PBK: variants seen among roughly 807,000 people sequenced by gnomAD.
The protein encoded by PBK is PDZ binding kinase, also known as lymphokine-activated killer T-cell-originated protein kinase.
A neutral mutation model predicts 33.5 loss-of-function variants in PBK; 22 were observed. That is an observed-to-expected ratio of 0.66 (90% CI 0.47 to 0.94). The LOEUF is 0.94. Ranked by LOEUF, PBK falls within the 40% of genes least tolerant of loss-of-function variation. The pLI is 0.00. For missense variants in PBK, 376 were observed against 383.4 expected (o/e 0.98, Z 0.16); for synonymous variants, 129 against 123.8 (o/e 1.04, Z -0.28).
chr8:27,817,661 C>T (rs1805844758), intron 6 of PBK, among the ~76,000 whole-genome samples: 1 of 152,048 alleles, frequency 6.6e-6, no homozygotes, highest in East Asian at 1.9e-4. Flanking sequence ...TGCCTAATTA[C>T]TCAATTACTT....
At position 27,810,489 on chromosome 8, in the gene PBK, T is replaced by A. The variant is rs1377116648; in HGVS notation, c.785A>T (p.Asp262Val). Residue 262 changes from aspartate (D) to valine (V), a missense_variant, in exon 8 of 8, where the codon GAT (aspartate) becomes GTT (valine). Transcript: ENST00000301905. ...NDDDDEDKTF[D>V]ESDFDDEAYY... ...TGCTTCATCATCAAAATCACTTTCATCAAAAGTTTTATCTTGAAGGAGTTA... is the reference window on the plus strand; with the variant it reads ...TGCTTCATCATCAAAATCACTTTCAACAAAAGTTTTATCTTGAAGGAGTTA... 6.3e-7 allele frequency: 1 copy of A among 1,598,920 alleles called. No individual in the cohort carries two copies. The highest frequency in any genetic ancestry group is 8.5e-7 in the Non-Finnish European group (1 of 1,170,184).
At chr8:27,835,713 G>A (rs1243110630) in intron 1 of PBK, among the ~76,000 whole-genome samples, 3 of 152,066 alleles carry the variant, frequency 2.0e-5, no homozygotes, top group East Asian at 1.9e-4. Context: ...CACCATGCCC[G>A]GCTAATTTTT....
chr8:27,819,463 C>T (rs1465470169), intron 6 of PBK, among the ~76,000 whole-genome samples: 3 of 151,814 alleles, frequency 2.0e-5, no homozygotes, highest in Non-Finnish European at 2.9e-5. Context: ...TCTTTTTAGC[C>T]AAAAATTATT....
Position 27,820,706 on chromosome 8 carries a change from A to G in PBK, c.466-12T>C. The stretch of plus-strand genomic sequence containing the variant: ...TCTTGGTGCAGATACTAAAATAGTA[A>G]AAAATTTAACACATATGTGCAGAAA... On this transcript the variant is annotated splice_polypyrimidine_tract_variant and intron_variant, in intron 5 of 7. Coordinates refer to ENST00000301905, the MANE Select transcript of PBK (RefSeq NM_018492.4). 15 of 1,484,320 alleles carry G rather than the reference A, an allele frequency of 1.0e-5. No homozygotes were observed. Among genetic ancestry groups the G allele is most frequent in the Non-Finnish European group, 1.4e-5 (15 of 1,091,110 alleles). 91.9% of individuals were successfully genotyped at this position (1,484,320 alleles called of 1,614,324 possible).
rs1805644923 is a variant in PBK, at chr8:27,810,247, G to A, written c.*58C>T. On this transcript the variant is annotated 3_prime_UTR_variant, in exon 8 of 8. Coordinates refer to ENST00000301905, the MANE Select transcript of PBK (RefSeq NM_018492.4). ...TCTAATAACTACTGATAGTAACTAT[G>A]TAAATATTTTGGAATAAACAGTTAT... is the stretch of plus-strand genomic sequence containing the variant. 1 of 1,160,268 alleles carries A rather than the reference G, an allele frequency of 8.6e-7. No homozygotes were observed. The highest frequency in any genetic ancestry group is 1.3e-6 in the Non-Finnish European group (1 of 778,394). 71.9% of individuals were successfully genotyped at this position (1,160,268 alleles called of 1,614,324 possible).
chr8:27,829,306 T>C (rs1806084678), intron 2 of PBK, among the ~76,000 whole-genome samples: 1 of 152,060 alleles, frequency 6.6e-6, no homozygotes, highest in Non-Finnish European at 1.5e-5. Context: ...GGTAACCCTG[T>C]AACACATAGT....
intron 1 of PBK, 108 bp downstream of exon 1, chr8:27,837,544 T>C (rs1446173674): frequency 1.3e-5 from 2 of 151,986 alleles, no homozygotes; most frequent in Non-Finnish European, 2.9e-5. Flanking sequence ...GCTGCCAAAA[T>C]CCTTCTTTGG....
At chr8:27,824,146 T>A (rs1024704907) in intron 3 of PBK, among the ~76,000 whole-genome samples, 1 of 152,134 alleles carries the variant, frequency 6.6e-6, no homozygotes, top group African/African-American at 2.4e-5. Context: ...CGTAAGTTGA[T>A]CTAAACTATT....
At chr8:27,834,026 T>TC (rs1312379203) in intron 1 of PBK, among the ~76,000 whole-genome samples, 1 of 145,522 alleles carries the variant, frequency 6.9e-6, no homozygotes, top group Non-Finnish European at 1.5e-5. Context: ...TATATGATGA[T>TC]CCTTTTTTTT....
rs746944771 is a variant in PBK, at chr8:27,822,423, T to C, written c.361A>G (p.Lys121Glu). The C allele has an allele frequency of 6.2e-7, 1 of 1,612,302 alleles. No individual in the cohort carries two copies. The highest frequency in any genetic ancestry group is 1.7e-5 in the Admixed American group (1 of 59,994). Residue 121 changes from lysine (K) to glutamate (E), a missense_variant, in exon 5 of 8, where the codon AAG (lysine) becomes GAG (glutamate). Transcript: ENST00000301905. ...TCTTCTATTAAGTCATTTAGAGACT[T>C]TTCACCTCCATATTCCATAGCAAGA... ...LCLAMEYGGE[K>E]SLNDLIEERY... is the part of the protein sequence containing the mutation.
intron 6 of PBK, among the ~76,000 whole-genome samples, chr8:27,818,720 A>G (rs1805864763): frequency 1.3e-5 from 2 of 151,902 alleles, no homozygotes; most frequent in Non-Finnish European, 2.9e-5. Context: ...CCCCTCTCCA[A>G]CCCACTGTGA....
At chr8:27,832,805 A>G (rs1033443347) in intron 2 of PBK, among the ~76,000 whole-genome samples, 4 of 152,216 alleles carry the variant, frequency 2.6e-5, no homozygotes, top group Admixed American at 1.3e-4. Flanking sequence ...CAGTTCCTTA[A>G]TGGGTCAAGC....
At chr8:27,833,769 C>T (rs1381414690) in intron 1 of PBK, among the ~76,000 whole-genome samples, 3 of 151,912 alleles carry the variant, frequency 2.0e-5, no homozygotes, top group Non-Finnish European at 2.9e-5. Context: ...GTTATACTTC[C>T]CAGGAGCAGT....
chr8:27,811,385 G>C, intron 6 of PBK: 1 of 572,454 alleles, frequency 1.7e-6, no homozygotes, highest in Non-Finnish European at 3.1e-6. Flanking sequence ...TAGGAATATA[G>C]AATGTGGATG....
intron 6 of PBK, among the ~76,000 whole-genome samples, chr8:27,815,070 A>C (rs932861145): frequency 6.6e-6 from 1 of 152,190 alleles, no homozygotes; most frequent in Non-Finnish European, 1.5e-5. Context: ...AAACAATAGA[A>C]AGAAGACACA....
intron 3 of PBK, among the ~76,000 whole-genome samples, chr8:27,827,851 T>C (rs1449733682): frequency 6.6e-6 from 1 of 152,190 alleles, no homozygotes; most frequent in East Asian, 1.9e-4. Context: ...CCCCTTCTTA[T>C]GGAAGCCAAG....
rs896829414 is a variant in PBK, at chr8:27,826,594, A to G, written c.152+1511T>C. On this transcript the variant is annotated intron_variant, in intron 3 of 7. Transcript: ENST00000301905. ...GGCGGATCACGAGGTCAGGAGATCG[A>G]GACCATCCTGGCTAACACGGTGAAA... Among the ~76,000 whole-genome samples the G allele has an allele frequency of 1.3e-4, 14 of 109,046 alleles. 1 individual carries two copies. The highest frequency in any genetic ancestry group is 4.3e-4 in the Admixed American group (5 of 11,650). The allele number at this position is 109,046 out of a possible 152,430, so 71.5% of individuals were successfully genotyped here.
intron 3 of PBK, among the ~76,000 whole-genome samples, chr8:27,827,178 G>T (rs993656940): frequency 3.3e-5 from 5 of 152,202 alleles, no homozygotes. Flanking sequence ...TTCCAAGAAT[G>T]CATTAAGGAA....
intron 4 of PBK, 141 bp downstream of exon 4, chr8:27,822,922 C>A: frequency 1.8e-6 from 1 of 561,194 alleles, no homozygotes; most frequent in Non-Finnish European, 3.1e-6. Flanking sequence ...TATTTTAGAC[C>A]AATCACATTA....
Sources: allele counts gnomAD v4.1 joint callset (sites outside exome capture counted in the v4.1 genomes callset), GRCh38; gene constraint gnomAD v4.1.1; transcripts MANE v1.5; gene names NCBI Gene and HGNC (gene_info 2026-07-23, HGNC 2026-07-21).